RBFOX1: variants seen among roughly 807,000 people sequenced by gnomAD.
RBFOX1 encodes the protein RNA binding fox-1 homolog 1.
Under a neutral mutation model 57.7 loss-of-function variants are expected in RBFOX1, and 8 were observed. The observed-to-expected ratio is 0.14, with a 90% confidence interval of 0.08 to 0.25. The LOEUF (loss-of-function observed/expected upper bound fraction) is 0.25. Among genes scored for constraint, RBFOX1 ranks in the 10% least tolerant of loss-of-function variants. The pLI, the probability that RBFOX1 is intolerant of heterozygous loss-of-function variation, is 1.00. For missense variants in RBFOX1, 611 were observed against 548.5 expected (o/e 1.11, Z -1.14); for synonymous variants, 326 against 222.4 (o/e 1.47, Z -4.15).
At chr16:6,794,918 AT>A in intron 3 of RBFOX1, among the ~76,000 whole-genome samples, 1 of 152,260 alleles carries the variant, frequency 6.6e-6, no homozygotes, top group East Asian at 1.9e-4. Context: ...CATTTCACAG[AT>A]GAGCAAACTG....
At chr16:6,904,594 C>A (rs1465277899) in intron 3 of RBFOX1, among the ~76,000 whole-genome samples, 4 of 89,080 alleles carry the variant, frequency 4.5e-5, no homozygotes, top group Admixed American at 3.3e-4. Flanking sequence ...GAGTGAGACT[C>A]TCTCTAAAAA....
intron 14 of RBFOX1, among the ~76,000 whole-genome samples, chr16:7,707,776 C>A (rs2082958510): frequency 6.6e-6 from 1 of 152,134 alleles, no homozygotes; most frequent in African/African-American, 2.4e-5. Flanking sequence ...AGCATGAAAC[C>A]CATAGGATCA....
In RBFOX1 at chr16:5,243,814, G is replaced by T. The variant is rs557696879; in HGVS notation, c.219+3709G>T. 3.9e-5 allele frequency among the ~76,000 whole-genome samples: 6 copies of T among 152,282 alleles called. No individual in the cohort carries two copies. The East Asian group carries it at 1.2e-3, about 29-fold the overall frequency. On this transcript the variant is annotated intron_variant, in intron 1 of 2. Transcript: ENST00000585867. ...TCTCATCTATAAAATGGAGATAAAT[G>T]AGATACACTTTCATAGGAAGGTTAT...
chr16:6,877,892 TA>T (rs1394691313), intron 3 of RBFOX1, among the ~76,000 whole-genome samples: 1 of 152,174 alleles, frequency 6.6e-6, no homozygotes, highest in Admixed American at 6.6e-5. Context: ...GCTTCCAGAC[TA>T]AGAACTTAGG....
chr16:7,074,703 A>G (rs995531474), intron 4 of RBFOX1, among the ~76,000 whole-genome samples: 1 of 152,352 alleles, frequency 6.6e-6, no homozygotes, highest in South Asian at 2.1e-4. Context: ...TGAAAACATC[A>G]GCTTATACTC....
At chr16:6,916,740 C>G (rs978965188) in intron 3 of RBFOX1, among the ~76,000 whole-genome samples, 1 of 152,148 alleles carries the variant, frequency 6.6e-6, no homozygotes. Flanking sequence ...GCTCGGATTA[C>G]TTCCAGCTTT....
chr16:6,436,367 C>G (rs909172380), intron 2 of RBFOX1, among the ~76,000 whole-genome samples: 2 of 152,094 alleles, frequency 1.3e-5, no homozygotes, highest in African/African-American at 4.8e-5. Flanking sequence ...ACATAAATAC[C>G]TGGAAGATTC....
chr16:6,013,877 C>T (rs777901195), intron 4 of RBFOX1, among the ~76,000 whole-genome samples: 1 of 150,814 alleles, frequency 6.6e-6, no homozygotes, highest in African/African-American at 2.4e-5. Context: ...AAAACAAACA[C>T]CGCATGTTTT....
chr16:7,457,109 A>T (rs903247146), intron 4 of RBFOX1, among the ~76,000 whole-genome samples: 1 of 151,682 alleles, frequency 6.6e-6, no homozygotes, highest in East Asian at 2.0e-4. Context: ...CTGGTCTCGA[A>T]CTCCTGACCT....
intron 2 of RBFOX1, among the ~76,000 whole-genome samples, chr16:6,518,279 T>A (rs1417822652): frequency 6.6e-6 from 1 of 151,950 alleles, no homozygotes; most frequent in Non-Finnish European, 1.5e-5. Flanking sequence ...TTAAGAAAAG[T>A]TTTCATCTCA....
intron 3 of RBFOX1, among the ~76,000 whole-genome samples, chr16:6,894,669 A>G (rs1333424887): frequency 4.6e-5 from 7 of 152,248 alleles, no homozygotes; most frequent in Admixed American, 1.3e-4. Flanking sequence ...GAGAAAAATA[A>G]GAAACTGATA....
chr16:6,593,822 C>T (rs1801496117), intron 2 of RBFOX1, among the ~76,000 whole-genome samples: 2 of 152,040 alleles, frequency 1.3e-5, no homozygotes, highest in South Asian at 2.1e-4. Flanking sequence ...ATGAGGACTA[C>T]GGATATGGCA....
chr16:6,654,836 T>A (rs2154089805), intron 3 of RBFOX1, among the ~76,000 whole-genome samples, 186 bp downstream of exon 3: 1 of 152,290 alleles, frequency 6.6e-6, no homozygotes, highest in East Asian at 1.9e-4. Flanking sequence ...GTGTTACTTC[T>A]GATGGCTTCA....
At chr16:7,638,776 C>G (rs987735012) in intron 11 of RBFOX1, among the ~76,000 whole-genome samples, 2 of 152,084 alleles carry the variant, frequency 1.3e-5, no homozygotes, top group Non-Finnish European at 2.9e-5. Context: ...TGACTGTGTT[C>G]CAATAAAACT....
intron 2 of RBFOX1, among the ~76,000 whole-genome samples, chr16:6,654,323 A>G (rs182161948): frequency 3.3e-5 from 5 of 152,348 alleles, no homozygotes; most frequent in Admixed American, 3.3e-4. Flanking sequence ...ATGAGCTATC[A>G]GTTCCTCTTT....
chr16:6,807,833 T>G (rs900884345), intron 3 of RBFOX1, among the ~76,000 whole-genome samples: 2 of 151,842 alleles, frequency 1.3e-5, no homozygotes, highest in African/African-American at 4.8e-5. Context: ...ATGCTTATTA[T>G]ATATATAGTT....
chr16:7,063,909 A>G (rs965074695), intron 4 of RBFOX1, among the ~76,000 whole-genome samples: 4 of 152,194 alleles, frequency 2.6e-5, no homozygotes, highest in African/African-American at 7.2e-5. Context: ...CAGAGACCTC[A>G]TTTTATATCA....
intron 4 of RBFOX1, among the ~76,000 whole-genome samples, chr16:7,386,897 C>G (rs1422473984): frequency 1.3e-5 from 2 of 152,100 alleles, no homozygotes; most frequent in African/African-American, 4.8e-5. Flanking sequence ...CTGTTGTTTT[C>G]TGACTTTTTA....
At chr16:7,494,581 T>G (rs1394225236) in intron 4 of RBFOX1, among the ~76,000 whole-genome samples, 2 of 152,224 alleles carry the variant, frequency 1.3e-5, no homozygotes, top group African/African-American at 4.8e-5. Context: ...AAATTTACTT[T>G]CATGACCTAA....
Sources: gnomAD v4.1 joint callset for allele counts (sites outside exome capture counted in the v4.1 genomes callset) on GRCh38, gnomAD v4.1.1 for gene constraint, MANE v1.5 for transcripts, NCBI Gene and HGNC (gene_info 2026-07-23, HGNC 2026-07-21) for gene names.